The following INTS2 variants were observed in gnomAD, a reference collection of about 807,000 sequenced individuals.
INTS2 encodes the protein integrator complex subunit 2.
In INTS2, 57 loss-of-function variants were observed where a neutral mutation model predicts 139.6. That is an observed-to-expected ratio of 0.41 (90% CI 0.33 to 0.51). The LOEUF is 0.51. Among genes scored for constraint, INTS2 ranks in the 20% least tolerant of loss-of-function variants. INTS2 has a pLI of 0.28. For missense variants in INTS2, 1,196 were observed against 1,436.7 expected (o/e 0.83, Z 2.71); for synonymous variants, 473 against 493.4 (o/e 0.96, Z 0.55).
Position 61,870,325 on chromosome 17 carries a change from G to C in INTS2, c.2779-337C>G, listed in dbSNP as rs1427977259. On this transcript the variant is annotated intron_variant, in intron 20 of 24. Transcript: ENST00000251334. This position sits in a 1 kb window ranked among gnomAD's most constrained non-coding sequence, Gnocchi z 4.4. ...AGAATATCTACTAGAAGAGTATCAT[G>C]AATTCAGTTACATCCAAAACAGGCC... Among the ~76,000 whole-genome samples, 3 of 152,176 alleles carry C rather than the reference G, an allele frequency of 2.0e-5. No individual in the cohort carries two copies. Among genetic ancestry groups the C allele is most frequent in the African/African-American group, 7.2e-5 (3 of 41,432 alleles).
chr17:61,924,279 T>C (rs2079684500), intron 3 of INTS2, among the ~76,000 whole-genome samples: 1 of 152,224 alleles, frequency 6.6e-6, no homozygotes, highest in African/African-American at 2.4e-5. Flanking sequence ...TTACACTTTA[T>C]GGGAGAAATT....
At chr17:61,880,283 T>TGG (rs2079166156) in intron 17 of INTS2, among the ~76,000 whole-genome samples, 1 of 151,952 alleles carries the variant, frequency 6.6e-6, no homozygotes, top group Non-Finnish European at 1.5e-5. Context: ...CCTGACCTCA[T>TGG]GATCCGCCTG....
At chr17:61,906,963 C>CAAAAAAAAA (rs34773307) in intron 8 of INTS2, among the ~76,000 whole-genome samples, 6 of 80,190 alleles carry the variant, frequency 7.5e-5, no homozygotes, top group East Asian at 8.5e-4. Context: ...GATTCCATCT[C>CAAAAAAAAA]AAAAAAAAAA....
rs1191689937 is a variant in INTS2 at position 61,893,781 on chromosome 17, T to A, written c.1682A>T (p.His561Leu). 6.3e-7 allele frequency: 1 copy of A among 1,588,726 alleles called. No individual in the cohort carries two copies. The highest frequency in any genetic ancestry group is 8.6e-7 in the Non-Finnish European group (1 of 1,166,100). ...GGGGCATACTTTTATTGACACTTTGTGCTTGGTAAAGGAACGGCTCCTGAG... is the reference window on the plus strand; with the variant it reads ...GGGGCATACTTTTATTGACACTTTGAGCTTGGTAAAGGAACGGCTCCTGAG... ...QLLRSRSFTK[H>L]KVSIKDWIYR... Residue 561 changes from histidine to leucine, a missense_variant, in exon 13 of 25, where the codon CAC becomes CTC. Physicochemically the swap from His to Leu is moderately conservative, Grantham distance 99. Transcript: ENST00000251334. This position sits in a 1 kb window ranked among gnomAD's most constrained non-coding sequence, Gnocchi z 5.4.
In INTS2 at chr17:61,909,095, T is replaced by C. The variant is rs1407944720; in HGVS notation, c.955-1461A>G. Among the ~76,000 whole-genome samples, 2 of 151,980 alleles carry C rather than the reference T, an allele frequency of 1.3e-5. No individual in the cohort carries two copies. Among genetic ancestry groups the C allele is most frequent in the Non-Finnish European group, 2.9e-5 (2 of 68,024 alleles). On this transcript the variant is annotated intron_variant, in intron 7 of 24. Transcript: ENST00000251334. This position sits in a 1 kb window ranked among gnomAD's most constrained non-coding sequence, Gnocchi z 4.9. ...TGAACGTATAAAATAAAATGTGGTA[T>C]ATACACACAATGGAATATTATTTTT...
At position 61,904,647 on chromosome 17, in the gene INTS2, T is replaced by C. The variant is rs907171713; in HGVS notation, c.1182-62A>G. The stretch of plus-strand genomic sequence containing the variant: ...GTTGGGATGAAGAAGAAAAAGTGAA[T>C]TTTTAACCTTTTAGTTACAAATTTT... On this transcript the variant is annotated intron_variant, in intron 8 of 24. Coordinates refer to ENST00000251334, the MANE Select transcript of INTS2 (RefSeq NM_001351695.2). 35 of 1,381,978 alleles carry C rather than the reference T, an allele frequency of 2.5e-5. No homozygotes were observed. In the African/African-American group the frequency reaches 4.7e-4, roughly 19 times the overall value. The allele number at this position is 1,381,978 out of a possible 1,614,324, so 85.6% of individuals were successfully genotyped here.
At chr17:61,919,909 TTGTATTATTAAATA>T (rs1350614497) in intron 4 of INTS2, among the ~76,000 whole-genome samples, 4 of 152,126 alleles carry the variant, frequency 2.6e-5, no homozygotes, top group Admixed American at 6.6e-5. Context: ...TGACATTTCA[TTGTATTATTAAATA>T]TCTTTTGACA....
At chr17:61,886,520 C>T (rs1278003553) in intron 15 of INTS2, among the ~76,000 whole-genome samples, 3 of 152,202 alleles carry the variant, frequency 2.0e-5, no homozygotes, top group Non-Finnish European at 4.4e-5. Context: ...GGCCCACTTT[C>T]CCTGCCTCCA....
chr17:61,909,824 T>C lies in INTS2; in HGVS notation c.954+1696A>G, dbSNP rs1323419842. 0.24 allele frequency among the ~76,000 whole-genome samples: 1,407 copies of C among 5,938 alleles called. 12 individuals are homozygous for C. Among genetic ancestry groups the C allele is most frequent in the East Asian group, 0.42 (91 of 216 alleles). The allele number at this position is 5,938 out of a possible 152,430, so 3.9% of individuals were successfully genotyped here. On this transcript the variant is annotated intron_variant, in intron 7 of 24. Transcript: ENST00000251334. This position sits in a 1 kb window ranked among gnomAD's most constrained non-coding sequence, Gnocchi z 4.9. ...ATACGTGTGTGTGTACATGTGTGTATGTGTGTGTGTGTGTGTGTGTGTGTG... is the reference window on the plus strand; with the variant it reads ...ATACGTGTGTGTGTACATGTGTGTACGTGTGTGTGTGTGTGTGTGTGTGTG...
At chr17:61,913,384 A>AG (rs1233571743) in intron 5 of INTS2, among the ~76,000 whole-genome samples, 1 of 147,454 alleles carries the variant, frequency 6.8e-6, no homozygotes, top group Non-Finnish European at 1.5e-5. Flanking sequence ...AAATTAAAGA[A>AG]AAAAAAAAAA....
rs747498177 is a variant in INTS2 at position 61,927,887 on chromosome 17, A to G, written c.-252T>C. 1.1e-5 allele frequency: 18 copies of G among 1,611,448 alleles called. No homozygotes were observed. The African/African-American group carries it at 1.6e-4, about 14-fold the overall frequency. On this transcript the variant is annotated 5_prime_UTR_variant, in exon 1 of 25. Coordinates refer to ENST00000251334, the MANE Select transcript of INTS2 (RefSeq NM_001351695.2). ...GGCACCACACAAAGGCAGAACCGGG[A>G]CTGTAGGAACGGAAAAGCGGGAGAC...
At position 61,907,645 on chromosome 17, in the gene INTS2, T is replaced by C. The variant is rs376413206; in HGVS notation, c.955-11A>G. ...GGTCTCTCTTTTTCTCTGAAAGAAA[T>C]ATGGATCACAAAAGGAAGAAAGCAT... On this transcript the variant is annotated splice_polypyrimidine_tract_variant and intron_variant, in intron 7 of 24. Transcript: ENST00000251334. 6.4e-7 allele frequency: 1 copy of C among 1,557,752 alleles called. No homozygotes were observed. Among genetic ancestry groups the C allele is most frequent in the African/African-American group, 1.4e-5 (1 of 73,794 alleles).
intron 1 of INTS2, 181 bp from the exon 2 acceptor site, chr17:61,926,843 GGGAA>G (rs1170884860): frequency 1.6e-6 from 1 of 633,708 alleles, no homozygotes. Context: ...CCTGGGAAAT[GGGAA>G]AGAAAACAGA....
chr17:61,891,782 G>T, intron 13 of INTS2, 93 bp from the exon 14 acceptor site: 1 of 883,394 alleles, frequency 1.1e-6, no homozygotes, highest in Non-Finnish European at 1.7e-6. Flanking sequence ...CATGAATTAT[G>T]AATCAGTAAA....
In INTS2 at chr17:61,889,900, G is replaced by A. The variant is rs1312373336; in HGVS notation, c.1876-6C>T. On this transcript the variant is annotated splice_region_variant and splice_polypyrimidine_tract_variant and intron_variant, in intron 14 of 24. Transcript: ENST00000251334. The stretch of plus-strand genomic sequence containing the variant: ...TTAAGGCGGATGTTGTCACCCTGGA[G>A]GTAATATTACAAATACTCTGAAATA... 1.3e-6 allele frequency: 2 copies of A among 1,569,190 alleles called. No individual in the cohort carries two copies. Among genetic ancestry groups the A allele is most frequent in the Admixed American group, 1.7e-5 (1 of 59,056 alleles).
intron 14 of INTS2, among the ~76,000 whole-genome samples, chr17:61,890,471 G>A (rs1282428464): frequency 6.6e-6 from 1 of 151,776 alleles, no homozygotes; most frequent in South Asian, 2.1e-4. Flanking sequence ...TTAGCCAGGC[G>A]TGGTGGCAGG....
chr17:61,925,747 G>T (rs1472418157), intron 2 of INTS2, among the ~76,000 whole-genome samples: 1 of 151,560 alleles, frequency 6.6e-6, no homozygotes, highest in East Asian at 2.0e-4. Context: ...CCAAGAGGCT[G>T]GGCCCAGTGG....
intron 9 of INTS2, among the ~76,000 whole-genome samples, chr17:61,898,525 A>C (rs1301166199): frequency 2.0e-5 from 3 of 152,078 alleles, no homozygotes; most frequent in African/African-American, 7.2e-5. Flanking sequence ...TGAACTCTCG[A>C]GCTCAAGTGA....
At position 61,927,827 on chromosome 17, in the gene INTS2, C is replaced by T; in HGVS notation, c.-192G>A. 1.2e-6 allele frequency: 2 copies of T among 1,612,572 alleles called. No homozygotes were observed. Among genetic ancestry groups the T allele is most frequent in the Non-Finnish European group, 1.7e-6 (2 of 1,179,084 alleles). The stretch of plus-strand genomic sequence containing the variant: ...ACACCAAGAACTCAGACGCCGGGAC[C>T]AACCGGGTTGTCGATACAAAGTGGG... On this transcript the variant is annotated 5_prime_UTR_variant, in exon 1 of 25. Coordinates refer to ENST00000251334, the MANE Select transcript of INTS2 (RefSeq NM_001351695.2).
Sources: allele counts gnomAD v4.1 joint callset (sites outside exome capture counted in the v4.1 genomes callset), GRCh38; gene constraint gnomAD v4.1.1; non-coding constraint Gnocchi (gnomAD v3.1); transcripts MANE v1.5; gene names NCBI Gene and HGNC (gene_info 2026-07-23, HGNC 2026-07-21).